The following CHRM3 variants were observed in gnomAD, a reference collection of about 807,000 sequenced individuals.
CHRM3 encodes the protein muscarinic acetylcholine receptor M3.
In CHRM3, 11 loss-of-function variants were observed where a neutral mutation model predicts 41.8. The ratio of observed to expected loss-of-function variants is 0.26; its 90% CI spans 0.17 to 0.44. CHRM3 has a LOEUF of 0.44. CHRM3 is among the 20% of genes least tolerant of loss of function. CHRM3 has a pLI of 1.00. For missense variants in CHRM3, 571 were observed against 745.4 expected, an observed-to-expected ratio of 0.77 and a Z score of 2.72; for synonymous variants, 297 against 301.4, an observed-to-expected ratio of 0.99 and a Z score of 0.15.
intron 6 of CHRM3, among the ~76,000 whole-genome samples, chr1:239,878,375 T>A (rs553452893): frequency 6.6e-6 from 1 of 152,150 alleles, no homozygotes; most frequent in Admixed American, 6.5e-5. Context: ...TTTGTGCTCC[T>A]ATGAAAATCC....
At chr1:239,673,609 T>G (rs934697522) in intron 4 of CHRM3, among the ~76,000 whole-genome samples, 3 of 152,154 alleles carry the variant, frequency 2.0e-5, no homozygotes, top group African/African-American at 7.2e-5. Context: ...AGAATGAGAT[T>G]ATGATTTTAA....
Position 239,908,251 on chromosome 1 carries a change from G to A in CHRM3, c.800G>A (p.Gly267Asp). Residue 267 changes from glycine (G) to aspartate (D), a missense_variant, in exon 7 of 7, where the codon GGC becomes GAC. Physicochemically the swap from Gly to Asp is moderately conservative, Grantham distance 94. Transcript: ENST00000676153. This position sits in a 1 kb window ranked among gnomAD's most constrained non-coding sequence, Gnocchi z 7.2. ...GAAAAGCGTACCAAAGAGCTTGCTG[G>A]CCTGCAAGCCTCTGGGACAGAGGCA... ...ETEKRTKELAGLQASGTEAET... is the reference protein window; with the variant it reads ...ETEKRTKELADLQASGTEAET... The A allele has an allele frequency of 6.2e-7, 1 of 1,614,130 alleles. No individual in the cohort carries two copies. Among genetic ancestry groups the A allele is most frequent in the Non-Finnish European group, 8.5e-7 (1 of 1,180,038 alleles).
At chr1:239,885,100 A>G (rs547220959) in intron 6 of CHRM3, among the ~76,000 whole-genome samples, 1 of 152,284 alleles carries the variant, frequency 6.6e-6, no homozygotes, top group Middle Eastern at 3.4e-3. Context: ...CATTGGAGAA[A>G]TTTTAACAAG....
At chr1:239,824,044 C>T (rs1201385431) in intron 5 of CHRM3, among the ~76,000 whole-genome samples, 4 of 152,002 alleles carry the variant, frequency 2.6e-5, no homozygotes, top group Non-Finnish European at 4.4e-5. Context: ...GGAGCATGTG[C>T]GTGACCATCT....
intron 6 of CHRM3, among the ~76,000 whole-genome samples, chr1:239,857,321 C>T (rs1321795873): frequency 6.6e-6 from 1 of 152,096 alleles, no homozygotes; most frequent in East Asian, 1.9e-4. Flanking sequence ...TTTGACACTT[C>T]CATTTGGAAC....
At chr1:239,600,028 GTA>G (rs1665317234) in intron 3 of CHRM3, among the ~76,000 whole-genome samples, 1 of 152,060 alleles carries the variant, frequency 6.6e-6, no homozygotes, top group African/African-American at 2.4e-5. Flanking sequence ...GCATTTTGCT[GTA>G]TATTCCTTCT....
intron 5 of CHRM3, among the ~76,000 whole-genome samples, chr1:239,690,456 C>G (rs1408856201): frequency 1.3e-5 from 2 of 151,990 alleles, no homozygotes; most frequent in African/African-American, 4.8e-5. Flanking sequence ...GTCTCGATCT[C>G]CTGACCTCAT....
chr1:239,716,293 G>C (rs143586096), intron 5 of CHRM3, among the ~76,000 whole-genome samples: 15 of 152,204 alleles, frequency 9.9e-5, no homozygotes, highest in African/African-American at 3.6e-4. Flanking sequence ...TTGAAAAGTT[G>C]GTTGGCGCTG....
chr1:239,477,193 G>A (rs1230551675), intron 1 of CHRM3, among the ~76,000 whole-genome samples: 1 of 152,180 alleles, frequency 6.6e-6, no homozygotes, highest in Non-Finnish European at 1.5e-5. Context: ...CTTTTTAGCT[G>A]TATGAAGTGA....
intron 1 of CHRM3, among the ~76,000 whole-genome samples, chr1:239,437,923 G>A (rs1018799103): frequency 2.0e-5 from 3 of 152,114 alleles, no homozygotes; most frequent in East Asian, 3.9e-4. Flanking sequence ...GATTTCTAAG[G>A]CCCTATTATG....
chr1:239,747,957 A>C (rs950966717), intron 5 of CHRM3, among the ~76,000 whole-genome samples: 16 of 152,146 alleles, frequency 1.1e-4, no homozygotes, highest in Admixed American at 4.6e-4. Context: ...GAATTGCTTG[A>C]ACCCCAGAGG....
intron 3 of CHRM3, among the ~76,000 whole-genome samples, chr1:239,610,125 G>T (rs564416641): frequency 1.4e-5 from 2 of 142,024 alleles, no homozygotes; most frequent in Non-Finnish European, 3.0e-5. Context: ...CCTGGGAGGC[G>T]GGGCTTGCAG....
chr1:239,416,649 A>C (rs186002460), intron 1 of CHRM3, among the ~76,000 whole-genome samples: 18 of 152,318 alleles, frequency 1.2e-4, no homozygotes, highest in Admixed American at 3.9e-4. Context: ...TTTAAGTTAA[A>C]GAAGTGTCAG....
rs140190308 is a variant in CHRM3 at position 239,832,283 on chromosome 1, A to C, written c.-20+4905A>C. ...TAATTTTGTCAAGCTGAGAAAAAAA[A>C]ACAACTGCCACAGTGTGCAGAAAGC... On this transcript the variant is annotated intron_variant, in intron 6 of 6. Transcript: ENST00000676153. Among the ~76,000 whole-genome samples the C allele has an allele frequency of 1.1e-3, 174 of 152,316 alleles. 1 individual carries two copies. The East Asian group carries it at 0.032, about 28-fold the overall frequency.
intron 5 of CHRM3, among the ~76,000 whole-genome samples, chr1:239,777,599 T>C (rs1024005501): frequency 2.6e-5 from 4 of 152,110 alleles, no homozygotes; most frequent in African/African-American, 9.7e-5. Context: ...TTTAAGGAAT[T>C]TGAGGTGGGG....
At chr1:239,599,658 G>T (rs1033260112) in intron 3 of CHRM3, among the ~76,000 whole-genome samples, 3 of 152,110 alleles carry the variant, frequency 2.0e-5, no homozygotes, top group African/African-American at 7.2e-5. Context: ...AGTCAAAAAT[G>T]CATTTAATAC....
intron 6 of CHRM3, among the ~76,000 whole-genome samples, chr1:239,874,301 A>ATACATCTATATACACAG (rs1676900421): frequency 8.1e-6 from 1 of 123,838 alleles, no homozygotes; most frequent in Non-Finnish European, 1.6e-5. Context: ...ATATATATAT[A>ATACATCTATATACACAG]TATATATATA....
At chr1:239,710,654 G>A (rs183217696) in intron 5 of CHRM3, among the ~76,000 whole-genome samples, 1 of 152,024 alleles carries the variant, frequency 6.6e-6, no homozygotes, top group Non-Finnish European at 1.5e-5. Flanking sequence ...ATCAGACAGA[G>A]AATTTAGTAA....
Position 239,908,480 on chromosome 1 carries a change from T to C in CHRM3, c.1029T>C (p.Ala343=), listed in dbSNP as rs1572660564. 1 of 1,610,856 alleles carries C rather than the reference T, an allele frequency of 6.2e-7. No homozygotes were observed. The highest frequency in any genetic ancestry group is 2.2e-5 in the East Asian group (1 of 44,754). ...SSDSWNNNDA[A]ASLENSASSD... is the part of the protein sequence containing the mutation. ...ACAGTTGGAACAACAATGATGCTGC[T>C]GCCTCCCTGGAGAACTCCGCCTCCT... The change falls in exon 7 of 7, where the codon GCT becomes GCC. Residue 343 remains alanine, a synonymous_variant. Transcript: ENST00000676153. The surrounding 1 kb of genome is among the most constrained non-coding windows in gnomAD (Gnocchi z 7.2).
Sources: gnomAD v4.1 joint callset for allele counts (sites outside exome capture counted in the v4.1 genomes callset) on GRCh38, gnomAD v4.1.1 for gene constraint, Gnocchi (gnomAD v3.1) non-coding constraint, MANE v1.5 for transcripts, NCBI Gene and HGNC (gene_info 2026-07-23, HGNC 2026-07-21) for gene names.